Variants in ADARB2 observed in about 807,000 individuals in gnomAD.
ADARB2 encodes the protein inactive double-stranded RNA-specific editase B2.
ADARB2 carries 25 observed loss-of-function variants against 62.2 expected under a neutral mutation model. The observed-to-expected ratio is 0.40, with a 90% confidence interval of 0.29 to 0.56. ADARB2 has a LOEUF of 0.56. Ranked by LOEUF, ADARB2 falls within the 20% of genes least tolerant of loss-of-function variation. ADARB2 has a pLI of 0.43. For missense variants in ADARB2, 1,071 were observed against 1,077.4 expected (o/e 0.99, Z 0.08); for synonymous variants, 572 against 500.8 (o/e 1.14, Z -1.90).
intron 1 of ADARB2, among the ~76,000 whole-genome samples, chr10:1,615,581 C>G (rs928766997): frequency 6.6e-6 from 1 of 152,232 alleles, no homozygotes; most frequent in African/African-American, 2.4e-5. Context: ...CGCACAGACT[C>G]GAATGGGAAT....
At chr10:1,281,865 G>C (rs1479960683) in intron 3 of ADARB2, among the ~76,000 whole-genome samples, 1 of 152,128 alleles carries the variant, frequency 6.6e-6, no homozygotes, top group Non-Finnish European at 1.5e-5. Flanking sequence ...TTTATATGAA[G>C]CATATTTTTC....
intron 1 of ADARB2, among the ~76,000 whole-genome samples, chr10:1,425,091 G>A (rs185520333): frequency 9.2e-5 from 14 of 152,308 alleles, no homozygotes; most frequent in Middle Eastern, 3.4e-3. Flanking sequence ...GCAAGAGAAG[G>A]GGGTGGTCAG....
chr10:1,584,219 T>C (rs1381377310), intron 1 of ADARB2, among the ~76,000 whole-genome samples: 1 of 152,038 alleles, frequency 6.6e-6, no homozygotes, highest in Non-Finnish European at 1.5e-5. Context: ...GGAGAAAATA[T>C]ATAAAGGACA....
chr10:1,481,826 C>T (rs1036840014), intron 1 of ADARB2, among the ~76,000 whole-genome samples: 1 of 143,474 alleles, frequency 7.0e-6, no homozygotes, highest in African/African-American at 2.6e-5. Flanking sequence ...CACTGCACTC[C>T]AGCCTGGACG....
intron 1 of ADARB2, among the ~76,000 whole-genome samples, chr10:1,414,173 T>A (rs1237609234): frequency 6.6e-6 from 1 of 152,210 alleles, no homozygotes; most frequent in Admixed American, 6.5e-5. Context: ...CAACCCAGGC[T>A]TCGTTTCCTT....
At position 1,217,080 on chromosome 10, in the gene ADARB2, T is replaced by C. The variant is rs1246098344; in HGVS notation, c.1553A>G (p.His518Arg). ...CCCGGACTCGATCTTGGTGCGCAGGTGCCCGCGGAACTTCCTGACGAGGTG... is the reference window on the plus strand; with the variant it reads ...CCCGGACTCGATCTTGGTGCGCAGGCGCCCGCGGAACTTCCTGACGAGGTG... ...SKHLVRKFRGHLRTKIESGEG... is the reference protein window; with the variant it reads ...SKHLVRKFRGRLRTKIESGEG... Residue 518 changes from histidine to arginine, a missense_variant, in exon 7 of 10, where the codon CAC becomes CGC. Physicochemically the swap from His to Arg is conservative, Grantham distance 29. Transcript: ENST00000381312. 2 of 1,607,028 alleles carry C rather than the reference T, an allele frequency of 1.2e-6. No individual in the cohort carries two copies. Among genetic ancestry groups the C allele is most frequent in the Non-Finnish European group, 1.7e-6 (2 of 1,177,120 alleles).
intron 1 of ADARB2, among the ~76,000 whole-genome samples, chr10:1,667,402 G>A (rs1834328395): frequency 6.6e-6 from 1 of 152,204 alleles, no homozygotes; most frequent in African/African-American, 2.4e-5. Flanking sequence ...TATAGGATAT[G>A]TAAAATTGCA....
intron 1 of ADARB2, among the ~76,000 whole-genome samples, chr10:1,444,787 A>G (rs1285543995): frequency 7.0e-6 from 1 of 143,096 alleles, no homozygotes; most frequent in East Asian, 2.2e-4. Context: ...ATTTCCATCC[A>G]TCCACCCACT....
intron 2 of ADARB2, among the ~76,000 whole-genome samples, chr10:1,374,684 C>T (rs1471441066): frequency 3.9e-5 from 6 of 152,220 alleles, no homozygotes; most frequent in Admixed American, 6.5e-5. Context: ...TCCCGCCGTC[C>T]GTCCTCTGCT....
intron 1 of ADARB2, among the ~76,000 whole-genome samples, chr10:1,555,670 C>T (rs980538616): frequency 4.6e-5 from 7 of 152,206 alleles, no homozygotes; most frequent in Non-Finnish European, 7.3e-5. Context: ...CGCGGTGGCT[C>T]ATGCCTGTAA....
intron 1 of ADARB2, among the ~76,000 whole-genome samples, chr10:1,712,978 C>A (rs1052528737): frequency 3.3e-5 from 5 of 152,154 alleles, no homozygotes; most frequent in African/African-American, 1.2e-4. Flanking sequence ...TTAGTCCCGA[C>A]AGCAGGGTTT....
intron 1 of ADARB2, among the ~76,000 whole-genome samples, chr10:1,425,673 C>G (rs375966396): frequency 6.6e-6 from 1 of 152,220 alleles, no homozygotes; most frequent in Admixed American, 6.5e-5. Flanking sequence ...AGTTGCCAAC[C>G]CATAAAAACC....
chr10:1,648,400 C>T (rs1335955515), intron 1 of ADARB2, among the ~76,000 whole-genome samples: 1 of 152,184 alleles, frequency 6.6e-6, no homozygotes, highest in Admixed American at 6.5e-5. Context: ...ATCCCCAGGA[C>T]CCTTCATAAA....
intron 1 of ADARB2, among the ~76,000 whole-genome samples, chr10:1,409,229 G>T (rs533026276): frequency 6.6e-6 from 1 of 151,500 alleles, no homozygotes; most frequent in East Asian, 1.9e-4. Flanking sequence ...TCGTCGCCCC[G>T]CCCTGCCTGA....
chr10:1,287,790 A>G (rs7096088), intron 3 of ADARB2, among the ~76,000 whole-genome samples: 28,782 of 152,266 alleles, frequency 0.19, 3,504 homozygotes, highest in Non-Finnish European at 0.27. Flanking sequence ...AGGCAACAGC[A>G]CATTCAAAGG....
intron 1 of ADARB2, among the ~76,000 whole-genome samples, chr10:1,385,180 G>A (rs920927080): frequency 5.9e-5 from 9 of 152,050 alleles, no homozygotes; most frequent in African/African-American, 1.9e-4. Flanking sequence ...AAGGAACACC[G>A]TGAAATCCAT....
At chr10:1,618,063 G>T (rs892939788) in intron 1 of ADARB2, among the ~76,000 whole-genome samples, 6 of 152,098 alleles carry the variant, frequency 3.9e-5, no homozygotes, top group Admixed American at 2.6e-4. Flanking sequence ...CCTTTAAGAC[G>T]ACTTCCTTTA....
chr10:1,388,313 A>G (rs1832540934), intron 1 of ADARB2, among the ~76,000 whole-genome samples: 1 of 152,172 alleles, frequency 6.6e-6, no homozygotes, highest in Admixed American at 6.5e-5. Flanking sequence ...TCCTTGTGGT[A>G]CTGGGAACAA....
chr10:1,608,797 A>AAAGAAAG (rs1388278868), intron 1 of ADARB2, among the ~76,000 whole-genome samples: 1 of 144,050 alleles, frequency 6.9e-6, no homozygotes, highest in African/African-American at 2.6e-5. Flanking sequence ...AGAAAGAAAG[A>AAAGAAAG]AAAGCAAGGG....
Sources: gnomAD v4.1 joint callset for allele counts (sites outside exome capture counted in the v4.1 genomes callset) on GRCh38, gnomAD v4.1.1 for gene constraint, MANE v1.5 for transcripts, NCBI Gene and HGNC (gene_info 2026-07-23, HGNC 2026-07-21) for gene names.